ARHGAP35: variants seen among roughly 807,000 people sequenced by gnomAD.
ARHGAP35 encodes rho GTPase-activating protein 35.
Under a neutral mutation model 111.1 loss-of-function variants are expected in ARHGAP35, and 15 were observed. That is an observed-to-expected ratio of 0.13 (90% CI 0.09 to 0.21). The LOEUF is 0.21. ARHGAP35 is among the 10% of genes least tolerant of loss of function. ARHGAP35 has a pLI of 1.00. For synonymous variants in ARHGAP35, 643 were observed against 710.3 expected, an observed-to-expected ratio of 0.91 and a Z score of 1.51; for missense variants, 1,262 against 1,873.0, an observed-to-expected ratio of 0.67 and a Z score of 6.02.
intron 1 of ARHGAP35, among the ~76,000 whole-genome samples, chr19:46,871,292 T>C (rs1332077870): frequency 1.3e-5 from 2 of 152,240 alleles, no homozygotes; most frequent in Admixed American, 1.3e-4. Context: ...TTGAAATTGC[T>C]ATCAGGCCTG....
intron 3 of ARHGAP35, among the ~76,000 whole-genome samples, chr19:46,971,172 C>T (rs1359444556): frequency 6.6e-6 from 1 of 152,096 alleles, no homozygotes; most frequent in East Asian, 1.9e-4. Flanking sequence ...CTTTGGGAGG[C>T]CGAGGCAGGC....
chr19:46,902,441 C>T (rs1358714615), intron 1 of ARHGAP35, among the ~76,000 whole-genome samples: 1 of 152,076 alleles, frequency 6.6e-6, no homozygotes, highest in Non-Finnish European at 1.5e-5. Context: ...GGGTTTGTGC[C>T]TGTAGGAATG....
chr19:46,951,274 G>A (rs2056411454), intron 3 of ARHGAP35, among the ~76,000 whole-genome samples: 1 of 152,168 alleles, frequency 6.6e-6, no homozygotes, highest in Non-Finnish European at 1.5e-5. Context: ...CAGGCCTTTG[G>A]GAGACAGCCT....
In ARHGAP35 at chr19:46,986,804, AC is replaced by A. The variant is rs1299257293; in HGVS notation, c.3827-1184del. Among the ~76,000 whole-genome samples the A allele has an allele frequency of 6.6e-6, 1 of 152,234 alleles. No individual in the cohort carries two copies. Among genetic ancestry groups the A allele is most frequent in the Non-Finnish European group, 1.5e-5 (1 of 68,038 alleles). ...TAAGCTTTTACTAGTTGTCAAAAAA[AC>A]ATACTTGTGAGTTAATTTTATTTAT... On this transcript the variant is annotated intron_variant, in intron 3 of 6. Coordinates refer to ENST00000672722, the MANE Select transcript of ARHGAP35 (RefSeq NM_004491.5). This position sits in a 1 kb window ranked among gnomAD's most constrained non-coding sequence, Gnocchi z 4.3.
At chr19:46,905,563 C>T (rs191672252) in intron 1 of ARHGAP35, among the ~76,000 whole-genome samples, 8 of 137,854 alleles carry the variant, frequency 5.8e-5, no homozygotes, top group South Asian at 5.1e-4. Flanking sequence ...CCACCCCCCC[C>T]CCCCAAGACA....
intron 1 of ARHGAP35, among the ~76,000 whole-genome samples, chr19:46,905,899 T>A (rs2056105098): frequency 1.3e-5 from 2 of 151,952 alleles, no homozygotes; most frequent in Non-Finnish European, 2.9e-5. Flanking sequence ...TTGGCCAGGC[T>A]GGTCTTGAAC....
chr19:46,918,903 G>T lies in ARHGAP35; in HGVS notation c.228G>T (p.Trp76Cys). ...RVVNNDHFLY[W>C]GEVSRSLEDC... is the part of the protein sequence containing the mutation. ...TCAATAATGACCACTTTCTCTACTGGGGAGAAGTTAGCCGCTCCCTGGAGG... is the reference window on the plus strand; with the variant it reads ...TCAATAATGACCACTTTCTCTACTGTGGAGAAGTTAGCCGCTCCCTGGAGG... The change falls in exon 2 of 7, where the codon TGG (tryptophan) becomes TGT (cysteine). Residue 76 changes from tryptophan to cysteine, a missense_variant. Transcript: ENST00000672722. The surrounding 1 kb of genome is among the most constrained non-coding windows in gnomAD (Gnocchi z 5.4). 1 of 1,613,968 alleles carries T rather than the reference G, an allele frequency of 6.2e-7. No homozygotes were observed.
rs143397309 is a variant in ARHGAP35, at chr19:46,875,186, C to T, written c.-189+13977C>T. Among the ~76,000 whole-genome samples, 191 of 152,110 alleles carry T rather than the reference C, an allele frequency of 1.3e-3. 2 individuals are homozygous for T. The highest frequency in any genetic ancestry group is 4.3e-3 in the African/African-American group (177 of 41,466). On this transcript the variant is annotated intron_variant, in intron 1 of 6. Transcript: ENST00000672722. ...TTATTGTTGTTTTTATTTAACAAGA[C>T]GTCTACACATATATCTATTAAATAT...
intron 3 of ARHGAP35, among the ~76,000 whole-genome samples, chr19:46,985,736 T>C (rs2056645562): frequency 6.6e-6 from 1 of 152,076 alleles, no homozygotes; most frequent in Non-Finnish European, 1.5e-5. Context: ...CAGTGGCAGC[T>C]CCTTTGTAAC....
chr19:46,957,672 A>T (rs1407859769), intron 3 of ARHGAP35, among the ~76,000 whole-genome samples: 2 of 152,190 alleles, frequency 1.3e-5, no homozygotes, highest in African/African-American at 2.4e-5. Context: ...TCCTCTAAAT[A>T]GGATGAATAA....
intron 2 of ARHGAP35, among the ~76,000 whole-genome samples, chr19:46,928,762 T>A (rs1406729748): frequency 1.3e-5 from 2 of 151,902 alleles, no homozygotes; most frequent in Non-Finnish European, 2.9e-5. Context: ...CGAAACCCCG[T>A]CTCTACAAAA....
At chr19:46,960,711 G>T (rs954132879) in intron 3 of ARHGAP35, among the ~76,000 whole-genome samples, 1 of 152,130 alleles carries the variant, frequency 6.6e-6, no homozygotes, top group African/African-American at 2.4e-5. Context: ...AGAGCTTTCT[G>T]TATATGTGTC....
At position 46,908,273 on chromosome 19, in the gene ARHGAP35, T is replaced by C. The variant is rs531008985; in HGVS notation, c.-188-10215T>C. ...TTTTACTTACCCTTTTGAAAATCAA[T>C]GTAAAATTGGTCTTAATGCCAGGAA... is the stretch of plus-strand genomic sequence containing the variant. On this transcript the variant is annotated intron_variant, in intron 1 of 6. Transcript: ENST00000672722. This position sits in a 1 kb window ranked among gnomAD's most constrained non-coding sequence, Gnocchi z 4.2. 2.6e-5 allele frequency among the ~76,000 whole-genome samples: 4 copies of C among 152,378 alleles called. No homozygotes were observed. The highest frequency in any genetic ancestry group is 1.9e-4 in the East Asian group (1 of 5,194).
chr19:46,936,899 G>A (rs1227776993), intron 2 of ARHGAP35, among the ~76,000 whole-genome samples: 1 of 147,354 alleles, frequency 6.8e-6, no homozygotes, highest in Non-Finnish European at 1.5e-5. Context: ...GAATACAGTG[G>A]CGCAATCTCG....
intron 3 of ARHGAP35, among the ~76,000 whole-genome samples, chr19:46,944,594 G>C (rs919842615): frequency 2.0e-5 from 3 of 152,194 alleles, no homozygotes; most frequent in African/African-American, 7.2e-5. Context: ...GATGTGAGGA[G>C]AGGATGCAAG....
chr19:46,949,966 G>T (rs960023527), intron 3 of ARHGAP35, among the ~76,000 whole-genome samples: 1 of 152,068 alleles, frequency 6.6e-6, no homozygotes, highest in Non-Finnish European at 1.5e-5. Flanking sequence ...ACTTCTCCTT[G>T]AAATATAACA....
chr19:46,951,123 C>T (rs1289201747), intron 3 of ARHGAP35, among the ~76,000 whole-genome samples: 1 of 152,258 alleles, frequency 6.6e-6, no homozygotes, highest in Non-Finnish European at 1.5e-5. Flanking sequence ...CGGCCTTTGC[C>T]AGAATACTTA....
rs1339166116 is a variant in ARHGAP35 at position 46,921,937 on chromosome 19, G to C, written c.3262G>C (p.Ala1088Pro). ...GGATGGGTTTGATCCTTCTGACTAT[G>C]CTGAACCCATGGATGCTGTGGTGAA... ...PQDGFDPSDYAEPMDAVVKPR... is the reference protein window; with the variant it reads ...PQDGFDPSDYPEPMDAVVKPR... The change falls in exon 2 of 7, where the codon GCT (alanine) becomes CCT (proline). Residue 1088 changes from alanine to proline, a missense_variant. Ala to Pro is a conservative substitution (Grantham distance 27). Around this residue, in one of 8 missense-constraint regions of ARHGAP35, gnomAD observed 579 missense variants for 716.9 expected, o/e 0.81. Transcript: ENST00000672722. This position sits in a 1 kb window ranked among gnomAD's most constrained non-coding sequence, Gnocchi z 4.3. 1 of 1,614,022 alleles carries C rather than the reference G, an allele frequency of 6.2e-7. No homozygotes were observed. The highest frequency in any genetic ancestry group is 2.2e-5 in the East Asian group (1 of 44,890).
At chr19:46,954,078 G>A (rs1271380257) in intron 3 of ARHGAP35, among the ~76,000 whole-genome samples, 1 of 152,154 alleles carries the variant, frequency 6.6e-6, no homozygotes, top group African/African-American at 2.4e-5. Context: ...CCTCTGCCAT[G>A]TGAGGACACG....
Sources: allele counts gnomAD v4.1 joint callset (sites outside exome capture counted in the v4.1 genomes callset), GRCh38; gene constraint gnomAD v4.1.1; regional missense constraint gnomAD v4.1.1; non-coding constraint Gnocchi (gnomAD v3.1); transcripts MANE v1.5; gene names NCBI Gene and HGNC (gene_info 2026-07-23, HGNC 2026-07-21).